RIF1: variants seen among roughly 807,000 people sequenced by gnomAD.
The protein encoded by RIF1 is telomere-associated protein RIF1.
In RIF1, 45 loss-of-function variants were observed where a neutral mutation model predicts 247.1. The observed-to-expected ratio is 0.18, with a 90% confidence interval of 0.14 to 0.23. The LOEUF is 0.23. RIF1 is among the 10% of genes least tolerant of loss of function. RIF1 has a pLI of 1.00. For synonymous variants in RIF1, 1,087 were observed against 978.8 expected (o/e 1.11, Z -2.06); for missense variants, 2,967 against 2,862.5 (o/e 1.04, Z -0.83).
Position 151,412,162 on chromosome 2 carries a change from C to G in RIF1, c.183+824C>G, listed in dbSNP as rs184803308. ...GACATCATACTGTGGACCTGTGTTC[C>G]TGTCTTCACTTGCCTACTTAATGGC... On this transcript the variant is annotated intron_variant, in intron 3 of 35. Transcript: ENST00000444746. Among the ~76,000 whole-genome samples, 3 of 152,268 alleles carry G rather than the reference C, an allele frequency of 2.0e-5. No individual in the cohort carries two copies. The East Asian group carries it at 5.8e-4, about 29-fold the overall frequency.
intron 15 of RIF1, 47 bp downstream of exon 15, chr2:151,440,174 G>C (rs1293544442): frequency 9.6e-7 from 1 of 1,039,414 alleles, no homozygotes; most frequent in Admixed American, 2.2e-5. Flanking sequence ...ATTTTCTGAA[G>C]TTAAATTTTA....
At chr2:151,449,516 C>G (rs1175113979) in intron 20 of RIF1, among the ~76,000 whole-genome samples, 10 of 151,992 alleles carry the variant, frequency 6.6e-5, no homozygotes, top group Non-Finnish European at 1.5e-4. Flanking sequence ...TATTCACAGG[C>G]ACCATGCACA....
Position 151,475,893 on chromosome 2 carries a change from T to TA in RIF1, c.*823dup, listed in dbSNP as rs1214416353. ...ATAGAAACATTTTGTATATATTAAATACTGAAATATCAGTATCGACGGTGG... is the reference window on the plus strand; with the variant it reads ...ATAGAAACATTTTGTATATATTAAATAACTGAAATATCAGTATCGACGGTGG... On this transcript the variant is annotated 3_prime_UTR_variant, in exon 36 of 36. Coordinates refer to ENST00000444746, the MANE Select transcript of RIF1 (RefSeq NM_018151.5). 1 of 152,642 alleles carries TA rather than the reference T, an allele frequency of 6.6e-6. No individual in the cohort carries two copies. The highest frequency in any genetic ancestry group is 1.5e-5 in the Non-Finnish European group (1 of 68,016). 9.5% of individuals were successfully genotyped at this position (152,642 alleles called of 1,614,324 possible).
intron 3 of RIF1, 118 bp downstream of exon 3, chr2:151,411,456 G>C: frequency 1.6e-6 from 1 of 620,824 alleles, no homozygotes; most frequent in Non-Finnish European, 2.8e-6. Context: ...GAGTGCAATG[G>C]CTCAGGCTCG....
At position 151,475,126 on chromosome 2, in the gene RIF1, G is replaced by A. The variant is rs1444816355; in HGVS notation, c.*55G>A. The A allele has an allele frequency of 4.1e-6, 5 of 1,217,726 alleles. No individual in the cohort carries two copies. Among genetic ancestry groups the A allele is most frequent in the Non-Finnish European group, 6.0e-6 (5 of 829,760 alleles). The allele number at this position is 1,217,726 out of a possible 1,614,324, so 75.4% of individuals were successfully genotyped here. The stretch of plus-strand genomic sequence containing the variant: ...AAACATCACTGGATTTCTTGATTGA[G>A]GAAACAAGTTCTGAAATAATAGCAC... On this transcript the variant is annotated 3_prime_UTR_variant, in exon 36 of 36. Coordinates refer to ENST00000444746, the MANE Select transcript of RIF1 (RefSeq NM_018151.5).
exon 14 of RIF1, chr2:151,507,845 G>A (rs2070579094): frequency 1.6e-6 from 1 of 606,350 alleles, no homozygotes; most frequent in African/African-American, 1.8e-5. Context: ...TAAGATACAA[G>A]GTGAGCCCAG....
the RIF1 span, chr2:151,525,925 T>C: frequency 6.5e-7 from 1 of 1,532,948 alleles, no homozygotes; most frequent in South Asian, 1.1e-5. Flanking sequence ...AGTGGCATTG[T>C]TGCTGCCAAG....
At chr2:151,424,825 ATTTTTTTT>A (rs71000475) in intron 8 of RIF1, among the ~76,000 whole-genome samples, 943 of 47,294 alleles carry the variant, frequency 0.02, 17 homozygotes, top group African/African-American at 0.071. Context: ...AGCCCGGCTG[ATTTTTTTT>A]TTTTTTTTTT....
chr2:151,512,604 G>A (rs2075391142), downstream of RIF1: 10 of 755,742 alleles, frequency 1.3e-5, no homozygotes, highest in East Asian at 5.4e-5. Context: ...GTGAGCCACT[G>A]CACCTGGTGA....
At chr2:151,529,123 T>G in the RIF1 span, 1 of 852,564 alleles carries the variant, frequency 1.2e-6, no homozygotes, top group Middle Eastern at 2.2e-4. Flanking sequence ...TAGAGCTGAA[T>G]TGCCTGAAGA....
chr2:151,515,001 A>G, the RIF1 span: 18 of 890,346 alleles, frequency 2.0e-5, no homozygotes, highest in Non-Finnish European at 3.1e-5. Flanking sequence ...TCTCAGGAAG[A>G]AAAAAAAAAC....
At chr2:151,462,201 T>C (rs201121498) in intron 27 of RIF1, 41 bp from the exon 28 acceptor site, 1 of 677,930 alleles carries the variant, frequency 1.5e-6, no homozygotes, top group Non-Finnish European at 2.1e-6. Flanking sequence ...TGTAAGAATA[T>C]CATCCGGTTT....
intron 10 of RIF1, chr2:151,497,891 T>A: frequency 6.7e-7 from 1 of 1,487,768 alleles, no homozygotes; most frequent in Non-Finnish European, 8.9e-7. Flanking sequence ...ATCTGCACCC[T>A]CTAGAGAAGC....
chr2:151,496,948 A>G (rs1574977491), intron 10 of RIF1: 3 of 1,574,306 alleles, frequency 1.9e-6, no homozygotes, highest in South Asian at 2.3e-5. Flanking sequence ...TACCGAGCTA[A>G]TATTTTCTTG....
At chr2:151,413,225 G>T (rs1166715231) in intron 3 of RIF1, among the ~76,000 whole-genome samples, 1 of 151,570 alleles carries the variant, frequency 6.6e-6, no homozygotes, top group Admixed American at 6.6e-5. Flanking sequence ...AGAGACGGGG[G>T]TTTCTCCATG....
At chr2:151,513,660 T>C in the RIF1 span, 4 of 1,608,252 alleles carry the variant, frequency 2.5e-6, no homozygotes, top group African/African-American at 1.3e-5. Flanking sequence ...CCTCTTCCTT[T>C]GACTTCCAGT....
the RIF1 span, among the ~76,000 whole-genome samples, chr2:151,528,629 C>T: frequency 6.6e-6 from 1 of 152,168 alleles, no homozygotes; most frequent in Non-Finnish European, 1.5e-5. Flanking sequence ...CTAGTGGGTA[C>T]TAATTCGGTT....
the RIF1 span, chr2:151,531,752 C>T: frequency 3.4e-6 from 5 of 1,449,582 alleles, no homozygotes; most frequent in Admixed American, 9.0e-5. Context: ...TGCAGATGCC[C>T]CCTGAGTTTG....
chr2:151,472,873 A>G (rs2048661680), intron 34 of RIF1, among the ~76,000 whole-genome samples: 1 of 152,146 alleles, frequency 6.6e-6, no homozygotes, highest in Non-Finnish European at 1.5e-5. Context: ...TATCAGGATG[A>G]TGGTGGCCTC....
Sources: gnomAD v4.1 joint callset for allele counts (sites outside exome capture counted in the v4.1 genomes callset) on GRCh38, gnomAD v4.1.1 for gene constraint, MANE v1.5 for transcripts, NCBI Gene and HGNC (gene_info 2026-07-23, HGNC 2026-07-21) for gene names.